Variants in GRID2 observed in about 807,000 individuals in gnomAD.
GRID2 encodes glutamate receptor ionotropic, delta-2.
In GRID2, 33 loss-of-function variants were observed where a neutral mutation model predicts 114.8. The observed-to-expected ratio is 0.29, with a 90% CI of 0.22 to 0.38. The LOEUF (loss-of-function observed/expected upper bound fraction) is 0.38. GRID2 is among the 10% of genes least tolerant of loss of function. The pLI is 1.00. For missense variants in GRID2, 1,184 were observed against 1,257.7 expected, an observed-to-expected ratio of 0.94 and a Z score of 0.89; for synonymous variants, 505 against 449.9, an observed-to-expected ratio of 1.12 and a Z score of -1.55.
chr4:93,306,646 C>T (rs762675927), intron 8 of GRID2, among the ~76,000 whole-genome samples: 13 of 151,878 alleles, frequency 8.6e-5, no homozygotes, highest in Admixed American at 2.0e-4. Flanking sequence ...AGCTGTTCCA[C>T]GTTTAATAGA....
intron 10 of GRID2, among the ~76,000 whole-genome samples, chr4:93,428,408 A>G (rs1769061759): frequency 6.6e-6 from 1 of 152,150 alleles, no homozygotes; most frequent in African/African-American, 2.4e-5. Flanking sequence ...TGTAAGCTGC[A>G]TTTGTAGTAA....
chr4:93,121,353 C>G (rs1038354435), intron 4 of GRID2, among the ~76,000 whole-genome samples: 8 of 152,112 alleles, frequency 5.3e-5, no homozygotes, highest in African/African-American at 1.7e-4. Context: ...CCAAAGGTAT[C>G]CTGACTTTTA....
intron 2 of GRID2, among the ~76,000 whole-genome samples, chr4:93,046,968 G>A (rs558336892): frequency 1.3e-5 from 2 of 152,054 alleles, no homozygotes; most frequent in South Asian, 2.1e-4. Flanking sequence ...TGTAATCAAT[G>A]TGGACATTAG....
intron 5 of GRID2, among the ~76,000 whole-genome samples, chr4:93,210,823 C>A (rs1390448736): frequency 6.6e-6 from 1 of 151,874 alleles, no homozygotes; most frequent in East Asian, 1.9e-4. Context: ...ATGTCACTAG[C>A]TTTTTTGTAT....
chr4:93,275,930 C>G (rs1017196454), intron 8 of GRID2, among the ~76,000 whole-genome samples: 2 of 151,688 alleles, frequency 1.3e-5, no homozygotes, highest in Non-Finnish European at 2.9e-5. Flanking sequence ...TTTTCACTTC[C>G]TTGATGTTAT....
chr4:93,436,608 A>T (rs1721109338), intron 10 of GRID2, among the ~76,000 whole-genome samples: 1 of 152,194 alleles, frequency 6.6e-6, no homozygotes, highest in African/African-American at 2.4e-5. Flanking sequence ...AAACAATAGA[A>T]TAAGTTACAG....
At chr4:92,423,087 G>A (rs1329590467) in intron 1 of GRID2, among the ~76,000 whole-genome samples, 1 of 152,146 alleles carries the variant, frequency 6.6e-6, no homozygotes, top group African/African-American at 2.4e-5. Context: ...CATCTTTGTA[G>A]AGAGTAGATT....
chr4:93,089,430 T>C (rs1484981968), intron 3 of GRID2, among the ~76,000 whole-genome samples: 1 of 152,164 alleles, frequency 6.6e-6, no homozygotes, highest in African/African-American at 2.4e-5. Context: ...AGCTGCCTTC[T>C]CCTTGTGGGC....
intron 4 of GRID2, among the ~76,000 whole-genome samples, chr4:93,181,185 T>C (rs552495612): frequency 1.3e-5 from 2 of 152,278 alleles, no homozygotes; most frequent in Non-Finnish European, 2.9e-5. Context: ...GAAAACAACA[T>C]TAATCTCCTT....
chr4:93,802,596 C>T (rs766807753), intron 1 of GRID2, among the ~76,000 whole-genome samples: 28 of 152,280 alleles, frequency 1.8e-4, no homozygotes, highest in African/African-American at 2.6e-4. Flanking sequence ...TCAGAATCTT[C>T]GAATTGTGCA....
Position 92,624,698 on chromosome 4 carries a change from A to AG in GRID2, c.244+34414dup, listed in dbSNP as rs1730438138. ...GAACCATTTAAGAATCTTCAACCAA[A>AG]GGAAAAAAAAGGTTAAAATATCCCC... On this transcript the variant is annotated intron_variant, in intron 2 of 15. Coordinates refer to ENST00000282020, the MANE Select transcript of GRID2 (RefSeq NM_001510.4). Among the ~76,000 whole-genome samples, 5 of 151,906 alleles carry AG rather than the reference A, an allele frequency of 3.3e-5. No individual in the cohort carries two copies. The South Asian group carries it at 1.0e-3, about 32-fold the overall frequency.
intron 8 of GRID2, among the ~76,000 whole-genome samples, chr4:93,330,128 A>G (rs1352439054): frequency 6.6e-6 from 1 of 152,170 alleles, no homozygotes; most frequent in Non-Finnish European, 1.5e-5. Flanking sequence ...TAATCGCATT[A>G]GGTTTAAGAA....
chr4:93,058,546 C>T (rs1341379684), intron 2 of GRID2, among the ~76,000 whole-genome samples: 1 of 151,760 alleles, frequency 6.6e-6, no homozygotes. Flanking sequence ...TCCTTCCACA[C>T]CATTGAAATT....
At chr4:92,897,247 CAAA>C (rs760547515) in intron 2 of GRID2, among the ~76,000 whole-genome samples, 5 of 152,186 alleles carry the variant, frequency 3.3e-5, no homozygotes, top group South Asian at 2.1e-4. Flanking sequence ...CTGTTTTCCC[CAAA>C]CAAATTCTCC....
intron 14 of GRID2, among the ~76,000 whole-genome samples, chr4:93,758,216 A>G (rs1160800849): frequency 1.3e-5 from 2 of 152,158 alleles, no homozygotes; most frequent in African/African-American, 4.8e-5. Flanking sequence ...ATATAATTTA[A>G]AAAAATAGTT....
chr4:93,358,640 T>C (rs1761576250), intron 8 of GRID2, among the ~76,000 whole-genome samples: 1 of 151,906 alleles, frequency 6.6e-6, no homozygotes, highest in African/African-American at 2.4e-5. Context: ...GATAAAACAT[T>C]TAAATAAAGG....
intron 2 of GRID2, among the ~76,000 whole-genome samples, chr4:92,973,401 A>C (rs1414819314): frequency 6.6e-6 from 1 of 152,190 alleles, no homozygotes; most frequent in African/African-American, 2.4e-5. Context: ...GCATTTATGG[A>C]ATGGTATCTA....
At chr4:93,400,681 A>C (rs561394028) in intron 9 of GRID2, among the ~76,000 whole-genome samples, 1 of 152,244 alleles carries the variant, frequency 6.6e-6, no homozygotes, top group South Asian at 2.1e-4. Flanking sequence ...GATATCTGAG[A>C]ACCATAAATT....
intron 1 of GRID2, among the ~76,000 whole-genome samples, chr4:92,485,336 ATATATATATATAGT>A (rs1401289475): frequency 0.02 from 1,953 of 98,498 alleles, 64 homozygotes; most frequent in East Asian, 0.1. Flanking sequence ...ATATATATAT[ATATATATATATAGT>A]GTGTGTGTGT....
Sources: allele counts gnomAD v4.1 joint callset (sites outside exome capture counted in the v4.1 genomes callset), GRCh38; gene constraint gnomAD v4.1.1; transcripts MANE v1.5; gene names NCBI Gene and HGNC (gene_info 2026-07-23, HGNC 2026-07-21).